The following SPATA21 variants were observed in gnomAD, a reference collection of about 807,000 sequenced individuals.
The protein encoded by SPATA21 is spermatogenesis-associated protein 21.
A neutral mutation model predicts 54.8 loss-of-function variants in SPATA21; 47 were observed. That is an observed-to-expected ratio of 0.86 (90% CI 0.68 to 1.09). SPATA21 has a LOEUF of 1.09. Ranked by LOEUF, SPATA21 falls within the 50% of genes least tolerant of loss-of-function variation. The pLI is 0.00. For synonymous variants in SPATA21, 245 were observed against 235.3 expected, an observed-to-expected ratio of 1.04 and a Z score of -0.38; for missense variants, 599 against 596.4, an observed-to-expected ratio of 1.00 and a Z score of -0.05.
rs867173697 is a variant in SPATA21 at position 16,412,056 on chromosome 1, G to A, written c.145-2013C>T. 9.2e-5 allele frequency among the ~76,000 whole-genome samples: 14 copies of A among 152,138 alleles called. 1 individual carries two copies. In the South Asian group the frequency reaches 2.7e-3, roughly 29 times the overall value. On this transcript the variant is annotated intron_variant, in intron 5 of 12. Coordinates refer to ENST00000335496, the MANE Select transcript of SPATA21 (RefSeq NM_198546.1). ...CCATTCACTCTGTCCTTCTGGAAAT[G>A]CTCCCTTCTCTAGACACCCGCCCCT...
At chr1:16,415,005 G>A (rs1264625096) in intron 5 of SPATA21, among the ~76,000 whole-genome samples, 1 of 151,430 alleles carries the variant, frequency 6.6e-6, no homozygotes, top group African/African-American at 2.4e-5. Flanking sequence ...AAGGGCAAAT[G>A]CTCAATTTCT....
rs927653674 is a variant in SPATA21, at chr1:16,428,701, G to A, written c.34+2637C>T. 2.0e-5 allele frequency among the ~76,000 whole-genome samples: 3 copies of A among 152,042 alleles called. No homozygotes were observed. Among genetic ancestry groups the A allele is most frequent in the Non-Finnish European group, 4.4e-5 (3 of 68,016 alleles). On this transcript the variant is annotated intron_variant, in intron 3 of 12. Coordinates refer to ENST00000335496, the MANE Select transcript of SPATA21 (RefSeq NM_198546.1). The surrounding 1 kb of genome is among the most constrained non-coding windows in gnomAD (Gnocchi z 4.3). ...TGAACTGGGTTTTGATCACTATCATGGTCTGTCACTCTCCAACTGGGTGAC... is the reference window on the plus strand; with the variant it reads ...TGAACTGGGTTTTGATCACTATCATAGTCTGTCACTCTCCAACTGGGTGAC...
intron 7 of SPATA21, among the ~76,000 whole-genome samples, chr1:16,408,344 A>G (rs2085713703): frequency 6.6e-6 from 1 of 151,980 alleles, no homozygotes; most frequent in Admixed American, 6.6e-5. Context: ...ATGCAGTGGG[A>G]ATGGGGTACA....
chr1:16,416,578 T>G (rs1346670576), intron 5 of SPATA21, among the ~76,000 whole-genome samples: 3 of 151,634 alleles, frequency 2.0e-5, no homozygotes, highest in Non-Finnish European at 4.4e-5. Context: ...CTTGGGAGGC[T>G]GAGGCGGGAG....
chr1:16,415,858 A>G (rs1157597144), intron 5 of SPATA21, among the ~76,000 whole-genome samples: 2 of 152,030 alleles, frequency 1.3e-5, no homozygotes, highest in Non-Finnish European at 2.9e-5. Flanking sequence ...ACACCCGGCC[A>G]AATGTCTCCT....
chr1:16,415,507 C>T (rs2100837844), intron 5 of SPATA21, among the ~76,000 whole-genome samples: 1 of 152,324 alleles, frequency 6.6e-6, no homozygotes, highest in East Asian at 1.9e-4. Flanking sequence ...CAGATACAGA[C>T]TCTGAGCCCC....
chr1:16,397,091 T>G (rs2085324895), downstream of SPATA21: 1 of 152,276 alleles, frequency 6.6e-6, no homozygotes. This position sits in a 1 kb window ranked among gnomAD's most constrained non-coding sequence, Gnocchi z 5.4. Context: ...ATAGAGGTAG[T>G]CCAGGTGGGA....
At chr1:16,425,826 A>G in intron 3 of SPATA21, 1 of 1,078,012 alleles carries the variant, frequency 9.3e-7, no homozygotes, top group South Asian at 1.6e-5. Flanking sequence ...GTGCATAGCT[A>G]ACGCCTGGAA....
At chr1:16,435,338 A>G (rs1421239629) in intron 1 of SPATA21, among the ~76,000 whole-genome samples, 1 of 150,504 alleles carries the variant, frequency 6.6e-6, no homozygotes, top group East Asian at 2.0e-4. Context: ...TTTTTTTGAG[A>G]TGGAGTCTCG....
At chr1:16,416,095 G>T in intron 5 of SPATA21, among the ~76,000 whole-genome samples, 1 of 152,254 alleles carries the variant, frequency 6.6e-6, no homozygotes, top group South Asian at 2.1e-4. Flanking sequence ...TGCTACCCCC[G>T]AGCCTGCAGG....
At chr1:16,422,122 C>T in intron 3 of SPATA21, 151 bp from the exon 4 acceptor site, 1 of 1,511,552 alleles carries the variant, frequency 6.6e-7, no homozygotes, top group Non-Finnish European at 8.8e-7. Flanking sequence ...CCATGGCTGG[C>T]CAAGCGGCAG....
At chr1:16,423,663 C>G (rs2086237493) in intron 3 of SPATA21, among the ~76,000 whole-genome samples, 1 of 150,466 alleles carries the variant, frequency 6.6e-6, no homozygotes, top group African/African-American at 2.4e-5. Context: ...CCTGCCTCAG[C>G]CTCCCGAGTA....
At chr1:16,429,248 C>T (rs2086396682) in intron 3 of SPATA21, among the ~76,000 whole-genome samples, 1 of 151,882 alleles carries the variant, frequency 6.6e-6, no homozygotes, top group African/African-American at 2.4e-5. Flanking sequence ...AGCTCTCCTC[C>T]CGCCTCTGCC....
chr1:16,410,210 C>T (rs1475668882), intron 5 of SPATA21, among the ~76,000 whole-genome samples, 167 bp from the exon 6 acceptor site: 1 of 152,186 alleles, frequency 6.6e-6, no homozygotes, highest in Non-Finnish European at 1.5e-5. Context: ...TCCTGCCCCA[C>T]GTCCTCCCCA....
At chr1:16,410,703 G>A (rs2085815482) in intron 5 of SPATA21, 1 of 238,518 alleles carries the variant, frequency 4.2e-6, no homozygotes, top group Non-Finnish European at 8.9e-6. Flanking sequence ...GAGCCACTGC[G>A]CCCGGCCTAA....
rs1359382323 is a variant in SPATA21 at position 16,421,532 on chromosome 1, C to G, written c.121G>C (p.Ala41Pro). The G allele has an allele frequency of 7.4e-6, 12 of 1,613,586 alleles. No individual in the cohort carries two copies. Among genetic ancestry groups the G allele is most frequent in the Admixed American group, 1.7e-5 (1 of 59,952 alleles). The change falls in exon 5 of 13, where the codon GCA (alanine) becomes CCA (proline). Residue 41 changes from alanine to proline, a missense_variant. Ala to Pro is a conservative substitution (Grantham distance 27). Transcript: ENST00000335496. This position sits in a 1 kb window ranked among gnomAD's most constrained non-coding sequence, Gnocchi z 5.2. ...ACTGGTGGAGGAAGAGGCCCCGGTG[C>G]TGGGTGGGTCTCCACAGCCTCACCC... ...GGGEAVETHP[A>P]PGPLPPPEVR...
chr1:16,407,152 G>A (rs1249365545), intron 7 of SPATA21, among the ~76,000 whole-genome samples: 1 of 152,220 alleles, frequency 6.6e-6, no homozygotes, highest in Non-Finnish European at 1.5e-5. Flanking sequence ...AGCGCTGAAT[G>A]GTAGGGAAGA....
At position 16,437,325 on chromosome 1, in the gene SPATA21, A is replaced by T. The variant is rs1295429880; in HGVS notation, c.-384T>A. The stretch of plus-strand genomic sequence containing the variant: ...AGAGGTTTAGGAATGCATTTCAGGA[A>T]TATCCAGCCATGTGGTTAGGGTTTG... On this transcript the variant is annotated 5_prime_UTR_variant, in exon 1 of 13. An upstream open reading frame in the 5' UTR gains an earlier in-frame stop. Coordinates refer to ENST00000335496, the MANE Select transcript of SPATA21 (RefSeq NM_198546.1). 6.6e-6 allele frequency: 1 copy of T among 152,254 alleles called. No individual in the cohort carries two copies. The highest frequency in any genetic ancestry group is 1.5e-5 in the Non-Finnish European group (1 of 68,066). The allele number at this position is 152,254 out of a possible 1,614,324, so 9.4% of individuals were successfully genotyped here.
At chr1:16,402,023 C>T (rs17419046) in intron 10 of SPATA21, among the ~76,000 whole-genome samples, 49,972 of 151,956 alleles carry the variant, frequency 0.33, 9,741 homozygotes, top group East Asian at 0.67. Context: ...CCAAGGGTGC[C>T]GCAGTGGCCA....
Sources: gnomAD v4.1 joint callset for allele counts (sites outside exome capture counted in the v4.1 genomes callset) on GRCh38, gnomAD v4.1.1 for gene constraint, Gnocchi (gnomAD v3.1) non-coding constraint, MANE v1.5 for transcripts, NCBI Gene and HGNC (gene_info 2026-07-23, HGNC 2026-07-21) for gene names.